The following LRRC7 variants were observed in gnomAD, a reference collection of about 807,000 sequenced individuals.
LRRC7 encodes the protein leucine rich repeat containing 7.
In LRRC7, 23 loss-of-function variants were observed where a neutral mutation model predicts 175.7. The observed-to-expected ratio is 0.13, with a 90% CI of 0.09 to 0.19. The LOEUF is 0.19. Among genes scored for constraint, LRRC7 ranks in the 10% least tolerant of loss-of-function variants. The pLI is 1.00. For missense variants in LRRC7, 1,354 were observed against 1,904.7 expected (o/e 0.71, Z 5.38); for synonymous variants, 685 against 680.9 (o/e 1.01, Z -0.09).
At chr1:69,881,645 A>G (rs531408173) in intron 7 of LRRC7, among the ~76,000 whole-genome samples, 96 of 152,200 alleles carry the variant, frequency 6.3e-4, no homozygotes, top group Non-Finnish European at 1.2e-3. Flanking sequence ...TTAGGAGGCC[A>G]AGGCAGGAGG....
chr1:70,142,241 G>A lies in LRRC7; in HGVS notation c.*20354G>A, dbSNP rs1031131564. ...CTTATTTGGCTTGAATGTGGAAAAGGCATCTGGTTCAGGTCAGTAAGGACT... is the reference window on the plus strand; with the variant it reads ...CTTATTTGGCTTGAATGTGGAAAAGACATCTGGTTCAGGTCAGTAAGGACT... On this transcript the variant is annotated 3_prime_UTR_variant, in exon 27 of 27. Coordinates refer to ENST00000651989, the MANE Select transcript of LRRC7 (RefSeq NM_001370785.2). 1 of 152,086 alleles carries A rather than the reference G, an allele frequency of 6.6e-6. No homozygotes were observed. Among genetic ancestry groups the A allele is most frequent in the Admixed American group, 6.6e-5 (1 of 15,260 alleles). 9.4% of individuals were successfully genotyped at this position (152,086 alleles called of 1,614,324 possible). A position where few individuals can be genotyped will look rare whatever the true frequency, so the allele number is the denominator to read the frequency against.
chr1:69,769,667 T>C (rs1273397638), intron 3 of LRRC7, among the ~76,000 whole-genome samples: 1 of 152,088 alleles, frequency 6.6e-6, no homozygotes, highest in Non-Finnish European at 1.5e-5. Context: ...TCCAAAACAC[T>C]CTGGTTCCAA....
chr1:69,839,100 G>T, intron 7 of LRRC7: 2 of 276,852 alleles, frequency 7.2e-6, no homozygotes, highest in South Asian at 3.3e-5. Context: ...AAACATTTCA[G>T]TAGGACTTAG....
At chr1:69,765,939 A>G (rs1226173520) in intron 3 of LRRC7, among the ~76,000 whole-genome samples, 1 of 152,086 alleles carries the variant, frequency 6.6e-6, no homozygotes, top group Non-Finnish European at 1.5e-5. Flanking sequence ...TCCAAAAAGC[A>G]ATAAACAAAA....
intron 18 of LRRC7, among the ~76,000 whole-genome samples, chr1:70,035,233 A>T (rs1659181615): frequency 6.6e-6 from 1 of 152,164 alleles, no homozygotes; most frequent in Non-Finnish European, 1.5e-5. Flanking sequence ...ATCACTACTT[A>T]TGGGCATAGA....
chr1:69,882,712 C>G (rs1316024605), intron 7 of LRRC7, among the ~76,000 whole-genome samples: 1 of 151,088 alleles, frequency 6.6e-6, no homozygotes, highest in South Asian at 2.1e-4. Context: ...GTGCTGCACC[C>G]ACTAACCCGT....
intron 4 of LRRC7, among the ~76,000 whole-genome samples, chr1:69,824,966 C>T (rs1679738232): frequency 6.6e-6 from 1 of 152,102 alleles, no homozygotes; most frequent in Non-Finnish European, 1.5e-5. Context: ...TTGAAATGTC[C>T]CCCACATCTT....
At chr1:69,809,069 C>A (rs1677489410) in intron 4 of LRRC7, among the ~76,000 whole-genome samples, 1 of 151,942 alleles carries the variant, frequency 6.6e-6, no homozygotes, top group Non-Finnish European at 1.5e-5. Context: ...CAAATAGACA[C>A]AATAAAAAAT....
chr1:69,692,737 C>T (rs1360848298), intron 2 of LRRC7, among the ~76,000 whole-genome samples: 6 of 152,150 alleles, frequency 3.9e-5, no homozygotes, highest in African/African-American at 9.7e-5. Flanking sequence ...GCTTGTAATA[C>T]ACAGCATGTT....
chr1:69,659,514 CA>C (rs561697511), intron 1 of LRRC7, among the ~76,000 whole-genome samples: 1,578 of 122,174 alleles, frequency 0.013, 5 homozygotes, highest in African/African-American at 0.029. Context: ...AACAATCAGC[CA>C]AAAAAAAAAA....
intron 1 of LRRC7, among the ~76,000 whole-genome samples, chr1:69,637,080 T>TTC (rs375663007): frequency 5.0e-4 from 75 of 148,688 alleles, no homozygotes; most frequent in Middle Eastern, 3.4e-3. Flanking sequence ...CCTTCTCTCT[T>TTC]TCTCTCTCTC....
chr1:69,703,773 AG>A (rs1360228060), intron 2 of LRRC7, among the ~76,000 whole-genome samples: 1 of 151,964 alleles, frequency 6.6e-6, no homozygotes, highest in Non-Finnish European at 1.5e-5. Flanking sequence ...CTTCATTTTG[AG>A]GTTTGCCTTT....
At chr1:69,713,687 T>G (rs1665034949) in intron 2 of LRRC7, among the ~76,000 whole-genome samples, 1 of 151,596 alleles carries the variant, frequency 6.6e-6, no homozygotes, top group Non-Finnish European at 1.5e-5. Context: ...CCAGCTACGT[T>G]TATGATCATT....
At chr1:69,662,234 CA>C (rs1436284582) in intron 1 of LRRC7, among the ~76,000 whole-genome samples, 5 of 151,756 alleles carry the variant, frequency 3.3e-5, no homozygotes, top group Admixed American at 2.0e-4. Flanking sequence ...CTGTGTAGGG[CA>C]TACATTTATT....
intron 2 of LRRC7, among the ~76,000 whole-genome samples, chr1:69,713,461 AC>A (rs1665010443): frequency 2.6e-5 from 4 of 152,022 alleles, no homozygotes; most frequent in Non-Finnish European, 2.9e-5. Context: ...GTGCCACTGC[AC>A]CCCAGCCTGG....
intron 3 of LRRC7, among the ~76,000 whole-genome samples, chr1:69,767,887 G>A (rs1344529268): frequency 1.3e-5 from 2 of 151,892 alleles, no homozygotes; most frequent in Admixed American, 1.3e-4. Context: ...AAGCTGAGAG[G>A]TGCCAGAAAA....
At chr1:69,917,963 A>C (rs1214918614) in intron 7 of LRRC7, among the ~76,000 whole-genome samples, 2 of 152,178 alleles carry the variant, frequency 1.3e-5, no homozygotes, top group African/African-American at 4.8e-5. Context: ...TTGCAAGTAC[A>C]TGTGATTTTC....
At chr1:69,578,173 C>T (rs981286830) in intron 1 of LRRC7, among the ~76,000 whole-genome samples, 1 of 151,498 alleles carries the variant, frequency 6.6e-6, no homozygotes, top group Non-Finnish European at 1.5e-5. Context: ...TTTATGCAGC[C>T]AAAAAACACG....
At chr1:69,804,591 C>G (rs1486805159) in intron 4 of LRRC7, among the ~76,000 whole-genome samples, 2 of 151,558 alleles carry the variant, frequency 1.3e-5, no homozygotes, top group East Asian at 3.9e-4. Context: ...AGCCAGCTAT[C>G]TAGAGGAAAT....
Sources: allele counts gnomAD v4.1 joint callset (sites outside exome capture counted in the v4.1 genomes callset), GRCh38; gene constraint gnomAD v4.1.1; transcripts MANE v1.5; gene names NCBI Gene and HGNC (gene_info 2026-07-23, HGNC 2026-07-21).